ITGB2: variants seen among roughly 807,000 people sequenced by gnomAD.
ITGB2 encodes integrin beta-2.
In ITGB2, 56 loss-of-function variants were observed where a neutral mutation model predicts 86.8. The ratio of observed to expected loss-of-function variants is 0.65; its 90% CI spans 0.52 to 0.81. ITGB2 has a LOEUF of 0.81. Among genes scored for constraint, ITGB2 ranks in the 30% least tolerant of loss-of-function variants. The pLI is 0.00. For missense variants in ITGB2, 948 were observed against 1,061.2 expected, an observed-to-expected ratio of 0.89 and a Z score of 1.48; for synonymous variants, 457 against 450.4, an observed-to-expected ratio of 1.01 and a Z score of -0.19.
At chr21:44,926,182 G>A (rs1285836580) in intron 1 of ITGB2, among the ~76,000 whole-genome samples, 1 of 151,250 alleles carries the variant, frequency 6.6e-6, no homozygotes, top group East Asian at 1.9e-4. Flanking sequence ...AAGGGGAGGG[G>A]CTAGGGACCG....
chr21:44,886,728 C>G lies in ITGB2; in HGVS notation c.2247+8G>C. On this transcript the variant is annotated splice_region_variant and intron_variant, in intron 15 of 15. Transcript: ENST00000652462. ...CTCTGCGTGGGACCCCCAAGGACGG[C>G]CACTTACATTGTTCCACTGGGACTT... is the stretch of plus-strand genomic sequence containing the variant. The G allele has an allele frequency of 1.2e-6, 2 of 1,614,040 alleles. No homozygotes were observed. The highest frequency in any genetic ancestry group is 1.7e-6 in the Non-Finnish European group (2 of 1,180,014).
At chr21:44,911,343 G>T in intron 1 of ITGB2, 1 of 168,438 alleles carries the variant, frequency 5.9e-6, no homozygotes, top group Non-Finnish European at 1.3e-5. Context: ...ACGTGCAAAT[G>T]TACACGCACA....
intron 1 of ITGB2, chr21:44,911,072 T>G: frequency 3.8e-6 from 2 of 528,204 alleles, no homozygotes; most frequent in South Asian, 2.0e-5. Context: ...CACACACACA[T>G]GCAGACGTGT....
rs978427288 is a variant in ITGB2 at position 44,926,708 on chromosome 21, C to T, written c.-4+1946G>A. 3.9e-5 allele frequency: 6 copies of T among 152,268 alleles called. No homozygotes were observed. The South Asian group carries it at 8.3e-4, about 21-fold the overall frequency. 9.4% of individuals were successfully genotyped at this position (152,268 alleles called of 1,614,324 possible). A position where few individuals can be genotyped will look rare whatever the true frequency, so the allele number is the denominator to read the frequency against. ...CACCAAGCTAGGTTCTGAAGCCAGG[C>T]GTGAGTGAGCAGGACTGGAGCAGGA... is the stretch of plus-strand genomic sequence containing the variant. On this transcript the variant is annotated intron_variant, in intron 1 of 15. Coordinates refer to the ITGB2 transcript ENST00000355153.
intron 6 of ITGB2, 126 bp downstream of exon 6, chr21:44,901,366 C>G (rs1027299378): frequency 6.3e-6 from 8 of 1,260,274 alleles, no homozygotes; most frequent in African/African-American, 3.0e-5. Flanking sequence ...GCTGCTCTCC[C>G]CAGGCCCAGG....
intron 2 of ITGB2, 79 bp downstream of exon 2, chr21:44,910,646 T>C (rs755491842): frequency 1.9e-6 from 3 of 1,543,108 alleles, no homozygotes; most frequent in East Asian, 2.3e-5. Context: ...CTTCTGTCTA[T>C]GGGAAAGTGA....
intron 3 of ITGB2, among the ~76,000 whole-genome samples, chr21:44,907,650 G>A (rs1461959967): frequency 2.0e-5 from 3 of 152,262 alleles, no homozygotes; most frequent in Non-Finnish European, 4.4e-5. Context: ...TTCTGATGAG[G>A]GCTGTGTTTG....
At position 44,906,903 on chromosome 21, in the gene ITGB2, G is replaced by A; in HGVS notation, c.328+12C>T. 1 of 1,614,114 alleles carries A rather than the reference G, an allele frequency of 6.2e-7. No individual in the cohort carries two copies. Among genetic ancestry groups the A allele is most frequent in the South Asian group, 1.1e-5 (1 of 91,086 alleles). On this transcript the variant is annotated intron_variant, in intron 4 of 15. Transcript: ENST00000652462. ...AGACGGTGCCTGGCACCACCACCGA[G>A]GCCAAGCCTACCTGGTCGCAGGTAA...
intron 1 of ITGB2, among the ~76,000 whole-genome samples, chr21:44,913,951 G>A (rs964290312): frequency 2.0e-5 from 3 of 152,138 alleles, no homozygotes; most frequent in African/African-American, 4.8e-5. Context: ...AGGCTAAGCC[G>A]GCAGAGCTGC....
At chr21:44,891,546 C>A (rs1217534899) in intron 11 of ITGB2, among the ~76,000 whole-genome samples, 1 of 152,248 alleles carries the variant, frequency 6.6e-6, no homozygotes, top group East Asian at 1.9e-4. Context: ...AAGTCCCCTG[C>A]CTTGGGTCCT....
At chr21:44,923,688 T>C (rs1313389005), upstream of ITGB2, among the ~76,000 whole-genome samples, 1 of 152,150 alleles carries the variant, frequency 6.6e-6, no homozygotes, top group Non-Finnish European at 1.5e-5. Flanking sequence ...GATGAAATGG[T>C]TTTGGAGAAG....
intron 3 of ITGB2, chr21:44,907,899 A>G: frequency 1.7e-6 from 1 of 589,786 alleles, no homozygotes; most frequent in Non-Finnish European, 3.1e-6. Context: ...TTTTTTAAAG[A>G]AGTCCTCCAG....
At chr21:44,886,959 T>C (rs2083709023) in intron 14 of ITGB2, 57 bp from the exon 15 acceptor site, 2 of 1,600,846 alleles carry the variant, frequency 1.2e-6, no homozygotes, top group Admixed American at 3.3e-5. Flanking sequence ...CTGAGCCGTG[T>C]GCCCACAGGT....
chr21:44,910,354 G>C lies in ITGB2; in HGVS notation c.77C>G (p.Thr26Arg), dbSNP rs148038936. Reference sequence around the variant, plus strand: ...CCGGCAGCTGCTGACCTTGAACTTCGTGCACTCCTGAGAGAGGACTGAGGG... The same window carrying C: ...CCGGCAGCTGCTGACCTTGAACTTCCTGCACTCCTGAGAGAGGACTGAGGG... The part of the protein sequence containing the change: ...SLGCVLSQEC[T>R]KFKVSSCREC... The change falls in exon 3 of 16, where the codon ACG becomes AGG. Residue 26 changes from threonine (T) to arginine (R), a missense_variant. Coordinates refer to ENST00000652462, the MANE Select transcript of ITGB2 (RefSeq NM_000211.5). 561 of 1,614,134 alleles carry C rather than the reference G, an allele frequency of 3.5e-4. No individual in the cohort carries two copies. The highest frequency in any genetic ancestry group is 6.3e-4 in the South Asian group (57 of 91,084).
At chr21:44,919,835 T>A (rs2084272795) in intron 1 of ITGB2, among the ~76,000 whole-genome samples, 4 of 151,738 alleles carry the variant, frequency 2.6e-5, no homozygotes, top group African/African-American at 9.7e-5. Context: ...GGATTGGGTG[T>A]GGGGACGGTG....
At chr21:44,892,404 G>A (rs1191265796) in intron 10 of ITGB2, among the ~76,000 whole-genome samples, 1 of 152,196 alleles carries the variant, frequency 6.6e-6, no homozygotes, top group Non-Finnish European at 1.5e-5. Flanking sequence ...TAGATCATCT[G>A]AGGGCAAGAG....
At chr21:44,906,797 C>G in intron 4 of ITGB2, 118 bp downstream of exon 4, 1 of 1,101,064 alleles carries the variant, frequency 9.1e-7, no homozygotes, top group Non-Finnish European at 1.4e-6. Flanking sequence ...ACACACCCGT[C>G]CGACCCGGAC....
chr21:44,895,176 C>T (rs2838726), intron 8 of ITGB2, 116 bp from the exon 9 acceptor site: 188,617 of 779,628 alleles, frequency 0.24, 24,177 homozygotes, highest in Middle Eastern at 0.38. Context: ...CGGTCCTCAA[C>T]GCAGTTTTGC....
At chr21:44,896,471 C>A (rs2083872609) in intron 8 of ITGB2, among the ~76,000 whole-genome samples, 1 of 152,242 alleles carries the variant, frequency 6.6e-6, no homozygotes, top group Non-Finnish European at 1.5e-5. Flanking sequence ...ATCATTTCAC[C>A]TTCCAGGAAC....
Sources: allele counts gnomAD v4.1 joint callset (sites outside exome capture counted in the v4.1 genomes callset), GRCh38; gene constraint gnomAD v4.1.1; transcripts MANE v1.5; gene names NCBI Gene and HGNC (gene_info 2026-07-23, HGNC 2026-07-21).